FIG4: variants seen among roughly 807,000 people sequenced by gnomAD.
FIG4 encodes FIG4 phosphoinositide 5-phosphatase.
In FIG4, 112 loss-of-function variants were observed where a neutral mutation model predicts 118.6. The observed-to-expected ratio is 0.94, with a 90% confidence interval of 0.81 to 1.11. The LOEUF (loss-of-function observed/expected upper bound fraction) is 1.11, where lower values mean the gene tolerates loss of function less well. Ranked by LOEUF, FIG4 falls within the 50% of genes least tolerant of loss-of-function variation. The probability of loss-of-function intolerance (pLI) is 0.00; values close to 1 mark genes in which losing one functional copy is unlikely to be tolerated. For synonymous variants in FIG4, 369 were observed against 381.2 expected, an observed-to-expected ratio of 0.97 and a Z score of 0.37; for missense variants, 969 against 1,111.7, an observed-to-expected ratio of 0.87 and a Z score of 1.83.
chr6:109,774,826 G>A lies in FIG4; in HGVS notation c.1751-2096G>A, dbSNP rs568557769. Among the ~76,000 whole-genome samples the A allele has an allele frequency of 7.4e-4, 112 of 152,152 alleles. 1 individual carries two copies. The highest frequency in any genetic ancestry group is 7.1e-4 in the Non-Finnish European group (48 of 68,004). On this transcript the variant is annotated intron_variant, in intron 15 of 22. Transcript: ENST00000230124. ...TATTTCAATGTCTGATGTGAGGTAGGGGTCTAACATCATTGTCCCTTCCAC... is the reference window on the plus strand; with the variant it reads ...TATTTCAATGTCTGATGTGAGGTAGAGGTCTAACATCATTGTCCCTTCCAC...
intron 14 of FIG4, 114 bp downstream of exon 14, chr6:109,765,275 G>A: frequency 1.2e-6 from 1 of 824,944 alleles, no homozygotes; most frequent in Admixed American, 2.1e-5. Flanking sequence ...AAATTATGTT[G>A]CTAGAAAACA....
At chr6:109,735,700 G>T (rs137994978) in intron 6 of FIG4, among the ~76,000 whole-genome samples, 3 of 152,076 alleles carry the variant, frequency 2.0e-5, no homozygotes, top group Non-Finnish European at 2.9e-5. Context: ...GTTACCATGG[G>T]TTGCCTATTA....
chr6:109,728,981 A>T (rs1216802600), intron 4 of FIG4, among the ~76,000 whole-genome samples: 1 of 152,160 alleles, frequency 6.6e-6, no homozygotes. Flanking sequence ...AATAAGATAC[A>T]ATTATATTAA....
intron 15 of FIG4, among the ~76,000 whole-genome samples, chr6:109,769,379 C>T (rs137953293): frequency 3.5e-4 from 53 of 152,124 alleles, no homozygotes; most frequent in African/African-American, 1.1e-3. Flanking sequence ...TTATGCACAA[C>T]TGAAAGAGGA....
chr6:109,770,346 C>T (rs180764766), intron 15 of FIG4, among the ~76,000 whole-genome samples: 12 of 151,282 alleles, frequency 7.9e-5, no homozygotes, highest in Non-Finnish European at 1.5e-4. Context: ...GCTGTATATA[C>T]GTGTGTGTGT....
intron 4 of FIG4, among the ~76,000 whole-genome samples, chr6:109,728,021 C>T (rs1315795336): frequency 6.6e-6 from 1 of 152,092 alleles, no homozygotes; most frequent in Non-Finnish European, 1.5e-5. Flanking sequence ...ATCTAAAGGG[C>T]TTTATTTGGA....
At chr6:109,815,336 C>T (rs1778830838) in intron 22 of FIG4, among the ~76,000 whole-genome samples, 1 of 151,958 alleles carries the variant, frequency 6.6e-6, no homozygotes, top group South Asian at 2.1e-4. Flanking sequence ...TATGGACTCC[C>T]ATGCCTGCCT....
chr6:109,788,796 A>G (rs141068978), intron 18 of FIG4, among the ~76,000 whole-genome samples: 121 of 152,352 alleles, frequency 7.9e-4, no homozygotes, highest in African/African-American at 2.7e-3. Context: ...TGTGATATTC[A>G]GTCACACGCT....
At chr6:109,768,467 A>G (rs1039864153) in intron 15 of FIG4, among the ~76,000 whole-genome samples, 7 of 152,256 alleles carry the variant, frequency 4.6e-5, no homozygotes, top group African/African-American at 1.7e-4. Flanking sequence ...ATGACTGTAA[A>G]TGTAGCAGCT....
At chr6:109,747,834 G>A (rs749308452) in intron 10 of FIG4, among the ~76,000 whole-genome samples, 48 of 152,176 alleles carry the variant, frequency 3.2e-4, no homozygotes, top group Non-Finnish European at 1.6e-4. Flanking sequence ...CACTTAGGCT[G>A]GAGTGCAGTG....
chr6:109,795,939 T>C (rs1778275264), intron 21 of FIG4, among the ~76,000 whole-genome samples: 1 of 152,154 alleles, frequency 6.6e-6, no homozygotes, highest in Non-Finnish European at 1.5e-5. Flanking sequence ...TAACCTCCCA[T>C]GGGCAAATTA....
At chr6:109,812,285 A>G (rs1778740431) in intron 22 of FIG4, among the ~76,000 whole-genome samples, 1 of 152,066 alleles carries the variant, frequency 6.6e-6, no homozygotes, top group African/African-American at 2.4e-5. Flanking sequence ...GTAAAAATGG[A>G]CTAATATGCA....
chr6:109,700,101 A>G (rs190365698), intron 1 of FIG4, among the ~76,000 whole-genome samples: 76 of 152,330 alleles, frequency 5.0e-4, no homozygotes, highest in Admixed American at 4.6e-3. Context: ...ATTAAGGATT[A>G]GGTTTCAACA....
intron 15 of FIG4, among the ~76,000 whole-genome samples, chr6:109,771,166 A>G (rs1777446631): frequency 6.6e-6 from 1 of 152,238 alleles, no homozygotes. Flanking sequence ...GTTTGTTTTA[A>G]TACCCTTGGT....
At chr6:109,753,113 T>A (rs1776763355) in intron 10 of FIG4, among the ~76,000 whole-genome samples, 1 of 152,212 alleles carries the variant, frequency 6.6e-6, no homozygotes. Context: ...CCCCATTGCT[T>A]GTTTTTGTCA....
chr6:109,730,033 T>C (rs1775946520), intron 4 of FIG4, among the ~76,000 whole-genome samples: 1 of 152,018 alleles, frequency 6.6e-6, no homozygotes, highest in Non-Finnish European at 1.5e-5. Context: ...ATGTTAGTTT[T>C]CTCCAAAATT....
At chr6:109,729,916 TC>T (rs560001700) in intron 4 of FIG4, among the ~76,000 whole-genome samples, 98 of 152,088 alleles carry the variant, frequency 6.4e-4, no homozygotes, top group African/African-American at 2.3e-3. Flanking sequence ...ACAAAAGCTA[TC>T]CAAAACCTTA....
chr6:109,763,983 G>T lies in FIG4; in HGVS notation c.1434+1G>T, dbSNP rs748137608. 6 of 1,581,874 alleles carry T rather than the reference G, an allele frequency of 3.8e-6. No individual in the cohort carries two copies. Among genetic ancestry groups the T allele is most frequent in the Non-Finnish European group, 4.3e-6 (5 of 1,150,640 alleles). On this transcript the variant is annotated splice_donor_variant, in intron 13 of 22. Transcript: ENST00000230124. LOFTEE classifies it high-confidence loss of function. ...TGTGATTCCCACTGGTCGCCTGCAGGTATACACAGTATTACAATTCGTAAT... is the reference window on the plus strand; with the variant it reads ...TGTGATTCCCACTGGTCGCCTGCAGTTATACACAGTATTACAATTCGTAAT...
intron 21 of FIG4, among the ~76,000 whole-genome samples, chr6:109,794,870 G>A (rs1367512153): frequency 1.3e-5 from 2 of 152,130 alleles, no homozygotes; most frequent in African/African-American, 2.4e-5. Context: ...AGTGGTTTCC[G>A]CAGCCTGTCT....
Sources: gnomAD v4.1 joint callset for allele counts (sites outside exome capture counted in the v4.1 genomes callset) on GRCh38, gnomAD v4.1.1 for gene constraint, MANE v1.5 for transcripts, NCBI Gene and HGNC (gene_info 2026-07-23, HGNC 2026-07-21) for gene names.